Variants in IRS1 observed in about 807,000 individuals in gnomAD.
IRS1 encodes insulin receptor substrate 1.
Under a neutral mutation model 65.6 loss-of-function variants are expected in IRS1, and 34 were observed. The ratio of observed to expected loss-of-function variants is 0.52; its 90% CI spans 0.39 to 0.69. The LOEUF (loss-of-function observed/expected upper bound fraction) is 0.69, where lower values mean the gene tolerates loss of function less well. Ranked by LOEUF, IRS1 falls within the 30% of genes least tolerant of loss-of-function variation. The pLI, the probability that IRS1 is intolerant of heterozygous loss-of-function variation, is 0.00. For synonymous variants in IRS1, 699 were observed against 683.5 expected, an observed-to-expected ratio of 1.02 and a Z score of -0.35; for missense variants, 1,641 against 1,720.2, an observed-to-expected ratio of 0.95 and a Z score of 0.81.
At chr2:226,753,945 C>T (rs960279808) in intron 1 of IRS1, among the ~76,000 whole-genome samples, 3 of 152,112 alleles carry the variant, frequency 2.0e-5, no homozygotes, top group Non-Finnish European at 2.9e-5. Flanking sequence ...CTAAACCTCC[C>T]GGGCTCAAAC....
chr2:226,766,155 A>ATTTTTTT (rs1247603503), intron 1 of IRS1, among the ~76,000 whole-genome samples: 6 of 5,496 alleles, frequency 1.1e-3, no homozygotes, highest in Admixed American at 4.1e-3. Context: ...ATATATATAT[A>ATTTTTTT]TATATATATT....
At chr2:226,780,985 T>C (rs985815868) in intron 1 of IRS1, among the ~76,000 whole-genome samples, 1 of 152,008 alleles carries the variant, frequency 6.6e-6, no homozygotes, top group African/African-American at 2.4e-5. Context: ...GATAATGGAG[T>C]CATGAAATGA....
intron 1 of IRS1, among the ~76,000 whole-genome samples, chr2:226,775,521 T>C (rs532197196): frequency 1.3e-5 from 2 of 152,316 alleles, no homozygotes; most frequent in Admixed American, 6.5e-5. Flanking sequence ...CAGATACAGA[T>C]GGTTACATAT....
chr2:226,771,114 GTGT>G (rs1939156033), intron 1 of IRS1, among the ~76,000 whole-genome samples: 1 of 152,134 alleles, frequency 6.6e-6, no homozygotes, highest in Non-Finnish European at 1.5e-5. Flanking sequence ...AGTGTGGGCT[GTGT>G]TGTTTGTGAT....
chr2:226,745,816 G>A (rs1317368045), intron 1 of IRS1, among the ~76,000 whole-genome samples: 1 of 152,168 alleles, frequency 6.6e-6, no homozygotes, highest in African/African-American at 2.4e-5. Context: ...AAGCAAGGAT[G>A]AATCCACCAA....
intron 1 of IRS1, among the ~76,000 whole-genome samples, chr2:226,772,052 A>T (rs1480533495): frequency 6.6e-6 from 1 of 152,216 alleles, no homozygotes; most frequent in African/African-American, 2.4e-5. Context: ...TCTGAACAAG[A>T]GACTCAACAC....
chr2:226,791,134 G>C (rs1013001076), intron 1 of IRS1, among the ~76,000 whole-genome samples: 11 of 152,102 alleles, frequency 7.2e-5, no homozygotes, highest in African/African-American at 2.4e-4. Context: ...AAAGTGTATG[G>C]AGCCTAGGGC....
At chr2:226,763,466 AC>A (rs1395860467) in intron 1 of IRS1, among the ~76,000 whole-genome samples, 2 of 152,160 alleles carry the variant, frequency 1.3e-5, no homozygotes, top group African/African-American at 4.8e-5. Flanking sequence ...CCTGGTGGTT[AC>A]CCCCTTTGAA....
chr2:226,798,597 C>A lies in IRS1; in HGVS notation c.142G>T (p.Glu48Ter). Residue 48 changes from glutamate (E) to a stop codon, truncating the protein, a stop_gained, in exon 1 of 2, where the codon GAG becomes TAG. Coordinates refer to ENST00000305123, the MANE Select transcript of IRS1 (RefSeq NM_005544.3). LOFTEE classifies it high-confidence loss of function. The surrounding 1 kb of genome is among the most constrained non-coding windows in gnomAD (Gnocchi z 9.4). Reference sequence around the variant, plus strand: ...TTGTGCCGCCACTTCTTCTCGTTCTCGTAGTACTCGAGGCGCGCCGGGCCC... The same window carrying A: ...TTGTGCCGCCACTTCTTCTCGTTCTAGTAGTACTCGAGGCGCGCCGGGCCC... ...AGGPARLEYY[E>*]NEKKWRHKSS... 6.2e-7 allele frequency: 1 copy of A among 1,613,600 alleles called. No individual in the cohort carries two copies. The highest frequency in any genetic ancestry group is 8.5e-7 in the Non-Finnish European group (1 of 1,179,834).
chr2:226,764,568 A>G (rs1042103970), intron 1 of IRS1, among the ~76,000 whole-genome samples: 1 of 152,184 alleles, frequency 6.6e-6, no homozygotes, highest in Non-Finnish European at 1.5e-5. Context: ...ATTTACCTAC[A>G]GAGAGACTTT....
intron 1 of IRS1, among the ~76,000 whole-genome samples, chr2:226,739,238 G>T (rs1392148104): frequency 1.3e-5 from 2 of 152,158 alleles, no homozygotes. Context: ...GTCTCAAAAG[G>T]GAAAGTCTGA....
At chr2:226,790,454 A>G (rs1240734984) in intron 1 of IRS1, among the ~76,000 whole-genome samples, 5 of 152,190 alleles carry the variant, frequency 3.3e-5, no homozygotes, top group Non-Finnish European at 5.9e-5. Context: ...GCAACATTTT[A>G]TGGATTTATT....
At chr2:226,773,256 T>C (rs1456977922) in intron 1 of IRS1, among the ~76,000 whole-genome samples, 1 of 152,220 alleles carries the variant, frequency 6.6e-6, no homozygotes, top group African/African-American at 2.4e-5. Flanking sequence ...AACAACTTTT[T>C]TGCAAAGATT....
chr2:226,751,829 G>A (rs555217253), intron 1 of IRS1, among the ~76,000 whole-genome samples: 2 of 152,222 alleles, frequency 1.3e-5, no homozygotes, highest in South Asian at 4.1e-4. Flanking sequence ...CCCAAACTCA[G>A]TGAAATACAT....
At chr2:226,771,244 G>A (rs775559298) in intron 1 of IRS1, among the ~76,000 whole-genome samples, 7 of 152,142 alleles carry the variant, frequency 4.6e-5, no homozygotes, top group Non-Finnish European at 8.8e-5. Flanking sequence ...ACGGTGATAG[G>A]GCATGGCATG....
rs1054452695 is a variant in IRS1 at position 226,734,563 on chromosome 2, G to A, written c.*1709C>T. ...CTCCAACCCTGGCCCCTACCTTGTAGTCCCCACTCCCACCCAGGGAGCTTA... is the reference window on the plus strand; with the variant it reads ...CTCCAACCCTGGCCCCTACCTTGTAATCCCCACTCCCACCCAGGGAGCTTA... On this transcript the variant is annotated 3_prime_UTR_variant, in exon 2 of 2. Coordinates refer to ENST00000305123, the MANE Select transcript of IRS1 (RefSeq NM_005544.3). 5 of 152,258 alleles carry A rather than the reference G, an allele frequency of 3.3e-5. No homozygotes were observed. Among genetic ancestry groups the A allele is most frequent in the African/African-American group, 1.2e-4 (5 of 41,538 alleles). 9.4% of individuals were successfully genotyped at this position (152,258 alleles called of 1,614,324 possible). A position where few individuals can be genotyped will look rare whatever the true frequency, so the allele number is the denominator to read the frequency against.
chr2:226,795,897 G>A lies in IRS1; in HGVS notation c.2842C>T (p.Pro948Ser), dbSNP rs1187009104. 1.1e-5 allele frequency: 18 copies of A among 1,613,818 alleles called. No individual in the cohort carries two copies. The highest frequency in any genetic ancestry group is 1.4e-5 in the Non-Finnish European group (16 of 1,180,026). The change falls in exon 1 of 2, where the codon CCG becomes TCG. Residue 948 changes from proline (P) to serine (S), a missense_variant. This residue lies in a region of IRS1 where 1,324 missense variants were observed against 1,361.0 expected (regional missense o/e 0.97). Transcript: ENST00000305123. ...TEEYMKMDLG[P>S]GRRAAWQEST... The stretch of plus-strand genomic sequence containing the variant: ...TCCTGCCAGGCTGCCCTCCGGCCCG[G>A]CCCCAGGTCCATCTTCATGTACTCC...
Position 226,799,416 on chromosome 2 carries a change from G to C in IRS1, c.-678C>G. 1 of 1,248,424 alleles carries C rather than the reference G, an allele frequency of 8.0e-7. No homozygotes were observed. The allele number at this position is 1,248,424 out of a possible 1,614,324, so 77.3% of individuals were successfully genotyped here. A position where few individuals can be genotyped will look rare whatever the true frequency, so the allele number is the denominator to read the frequency against. On this transcript the variant is annotated 5_prime_UTR_variant, in exon 1 of 2. Coordinates refer to ENST00000305123, the MANE Select transcript of IRS1 (RefSeq NM_005544.3). The surrounding 1 kb of genome is among the most constrained non-coding windows in gnomAD (Gnocchi z 6.1). ...GCCGCCGCCCGCGGGCGCGTCCTCTGCAGCCCCCATCCGGGCCCATCTCGG... is the reference window on the plus strand; with the variant it reads ...GCCGCCGCCCGCGGGCGCGTCCTCTCCAGCCCCCATCCGGGCCCATCTCGG...
At chr2:226,762,372 AAG>A (rs1553530653) in intron 1 of IRS1, among the ~76,000 whole-genome samples, 2 of 151,720 alleles carry the variant, frequency 1.3e-5, no homozygotes, top group South Asian at 2.1e-4. Flanking sequence ...AAAAAAAAAA[AAG>A]AGAGAGAGCA....
Sources: allele counts gnomAD v4.1 joint callset (sites outside exome capture counted in the v4.1 genomes callset), GRCh38; gene constraint gnomAD v4.1.1; regional missense constraint gnomAD v4.1.1; non-coding constraint Gnocchi (gnomAD v3.1); transcripts MANE v1.5; gene names NCBI Gene and HGNC (gene_info 2026-07-23, HGNC 2026-07-21).